The following PLA2R1 variants were observed in gnomAD, a reference collection of about 807,000 sequenced individuals.
PLA2R1 encodes the protein secretory phospholipase A2 receptor.
A neutral mutation model predicts 195.9 loss-of-function variants in PLA2R1; 158 were observed. The observed-to-expected ratio is 0.81, with a 90% CI of 0.71 to 0.92. The LOEUF is 0.92. PLA2R1 is among the 40% of genes least tolerant of loss of function. The pLI is 0.00. For missense variants in PLA2R1, 1,626 were observed against 1,764.6 expected, an observed-to-expected ratio of 0.92 and a Z score of 1.41; for synonymous variants, 586 against 598.2, an observed-to-expected ratio of 0.98 and a Z score of 0.30.
rs551608529 is a variant in PLA2R1 at position 159,933,625 on chromosome 2, T to C, written c.*8153A>G. 1 of 152,176 alleles carries C rather than the reference T, an allele frequency of 6.6e-6. No homozygotes were observed. The highest frequency in any genetic ancestry group is 6.5e-5 in the Admixed American group (1 of 15,284). The allele number at this position is 152,176 out of a possible 1,614,324, so 9.4% of individuals were successfully genotyped here. On this transcript the variant is annotated 3_prime_UTR_variant, in exon 30 of 30. Coordinates refer to ENST00000283243, the MANE Select transcript of PLA2R1 (RefSeq NM_007366.5). ...AGACTGAGTTCCATGAGGGGAGAGATGGGGTGTTATTGGTATTTATAGCCT... is the reference window on the plus strand; with the variant it reads ...AGACTGAGTTCCATGAGGGGAGAGACGGGGTGTTATTGGTATTTATAGCCT...
At chr2:159,962,727 C>T (rs894004043) in intron 20 of PLA2R1, among the ~76,000 whole-genome samples, 2 of 152,178 alleles carry the variant, frequency 1.3e-5, no homozygotes. Context: ...AGTTCATGTC[C>T]TTTGCAGGGA....
intron 10 of PLA2R1, among the ~76,000 whole-genome samples, chr2:160,008,157 G>A (rs1395645553): frequency 6.6e-5 from 10 of 151,990 alleles, no homozygotes; most frequent in Non-Finnish European, 1.3e-4. Flanking sequence ...AAAAACATTT[G>A]CTGTGGGTGG....
chr2:159,985,528 T>TA (rs1183692634), intron 12 of PLA2R1, among the ~76,000 whole-genome samples: 1 of 152,162 alleles, frequency 6.6e-6, no homozygotes, highest in Non-Finnish European at 1.5e-5. Context: ...AAGCTGATTT[T>TA]AAAAATAGAA....
rs147591963 is a variant in PLA2R1 at position 159,985,738 on chromosome 2, C to T, written c.2037+1418G>A. Among the ~76,000 whole-genome samples the T allele has an allele frequency of 5.7e-3, 871 of 152,244 alleles. 4 individuals carry two copies. The highest frequency in any genetic ancestry group is 0.017 in the Middle Eastern group (5 of 294). On this transcript the variant is annotated intron_variant, in intron 12 of 29. Coordinates refer to ENST00000283243, the MANE Select transcript of PLA2R1 (RefSeq NM_007366.5). ...CAATATGAAATTATACCATTTAACACCCTCTGAGTGTCTACCTCCTTCACT... is the reference window on the plus strand; with the variant it reads ...CAATATGAAATTATACCATTTAACATCCTCTGAGTGTCTACCTCCTTCACT...
intron 1 of PLA2R1, among the ~76,000 whole-genome samples, chr2:160,060,872 G>C (rs1186977883): frequency 6.6e-6 from 1 of 152,202 alleles, no homozygotes; most frequent in Non-Finnish European, 1.5e-5. Flanking sequence ...CCACTGCATG[G>C]TAAACTTAGT....
intron 17 of PLA2R1, among the ~76,000 whole-genome samples, chr2:159,970,724 A>G (rs1308320449): frequency 6.6e-6 from 1 of 152,202 alleles, no homozygotes; most frequent in Admixed American, 6.5e-5. Flanking sequence ...GACACAATAT[A>G]GGACAAAAGA....
chr2:160,041,479 T>G (rs773636330), intron 3 of PLA2R1, among the ~76,000 whole-genome samples: 11 of 152,130 alleles, frequency 7.2e-5, no homozygotes, highest in Admixed American at 1.3e-4. Flanking sequence ...AAAAATGAGG[T>G]TATAGCCAGA....
Position 160,013,262 on chromosome 2 carries a change from C to T in PLA2R1, c.1664+1G>A. ...TTTCTGTTAAAAAAAGTTTAATTTA[C>T]CTGTTTGTAATGGTTACAAGTGCAG... On this transcript the variant is annotated splice_donor_variant, in intron 10 of 29. Transcript: ENST00000283243. LOFTEE classifies it high-confidence loss of function. 6.6e-7 allele frequency: 1 copy of T among 1,524,792 alleles called. No individual in the cohort carries two copies. The highest frequency in any genetic ancestry group is 9.1e-7 in the Non-Finnish European group (1 of 1,101,426). The allele number at this position is 1,524,792 out of a possible 1,614,324, so 94.5% of individuals were successfully genotyped here.
chr2:160,010,721 C>T (rs1359699205), intron 10 of PLA2R1, among the ~76,000 whole-genome samples: 1 of 152,200 alleles, frequency 6.6e-6, no homozygotes, highest in Non-Finnish European at 1.5e-5. Context: ...AAAATTCCAA[C>T]GTGTATGGTG....
rs12328777 is a variant in PLA2R1, at chr2:160,057,486, G to A, written c.109+4809C>T. 5.6e-3 allele frequency among the ~76,000 whole-genome samples: 853 copies of A among 152,220 alleles called. 9 individuals are homozygous for A. Among genetic ancestry groups the A allele is most frequent in the African/African-American group, 0.02 (821 of 41,526 alleles). On this transcript the variant is annotated intron_variant, in intron 1 of 29. Coordinates refer to ENST00000283243, the MANE Select transcript of PLA2R1 (RefSeq NM_007366.5). ...TACTGTTGCCTGACACGTGATCCTG[G>A]GCCTTTGCACATGAAATACATGTTC...
At chr2:159,969,665 C>G (rs1027421635) in intron 18 of PLA2R1, among the ~76,000 whole-genome samples, 1 of 152,118 alleles carries the variant, frequency 6.6e-6, no homozygotes, top group Non-Finnish European at 1.5e-5. Flanking sequence ...CCTTAGCCCC[C>G]CCAAGTAGCT....
intron 27 of PLA2R1, chr2:159,946,311 ACAAGTACCTTT>A: frequency 1.0e-6 from 1 of 985,354 alleles, no homozygotes; most frequent in African/African-American, 1.7e-5. Flanking sequence ...AATTTTCTTC[ACAAGTACCTTT>A]CAATAACCAT....
At chr2:159,965,197 T>G (rs957270330) in intron 20 of PLA2R1, among the ~76,000 whole-genome samples, 1 of 152,228 alleles carries the variant, frequency 6.6e-6, no homozygotes, top group Non-Finnish European at 1.5e-5. Flanking sequence ...GTTCACTCTT[T>G]GTGTTGTACA....
rs1388836841 is a variant in PLA2R1, at chr2:159,939,496, C to G, written c.*2282G>C. The G allele has an allele frequency of 7.3e-6, 1 of 136,758 alleles. No individual in the cohort carries two copies. The highest frequency in any genetic ancestry group is 2.8e-5 in the African/African-American group (1 of 36,036). The allele number at this position is 136,758 out of a possible 1,614,324, so 8.5% of individuals were successfully genotyped here. A position where few individuals can be genotyped will look rare whatever the true frequency, so the allele number is the denominator to read the frequency against. On this transcript the variant is annotated 3_prime_UTR_variant, in exon 30 of 30. Transcript: ENST00000283243. ...ACTCCTGCCTGGCAACAGAGCAAGACTCCATCTCCAAAAAAAAAAAAAAAA... is the reference window on the plus strand; with the variant it reads ...ACTCCTGCCTGGCAACAGAGCAAGAGTCCATCTCCAAAAAAAAAAAAAAAA...
intron 1 of PLA2R1, among the ~76,000 whole-genome samples, chr2:160,060,263 G>A (rs1175976837): frequency 1.3e-5 from 2 of 152,222 alleles, no homozygotes; most frequent in African/African-American, 2.4e-5. Flanking sequence ...AGTGAACACA[G>A]CGGTAAACTG....
intron 10 of PLA2R1, among the ~76,000 whole-genome samples, chr2:160,008,845 A>T (rs1034989739): frequency 2.0e-5 from 3 of 152,242 alleles, no homozygotes; most frequent in African/African-American, 4.8e-5. Flanking sequence ...TCCTATAACT[A>T]AACAATAGAA....
downstream of PLA2R1, among the ~76,000 whole-genome samples, chr2:159,929,033 T>G (rs187753746): frequency 2.0e-5 from 3 of 152,332 alleles, no homozygotes; most frequent in Admixed American, 6.5e-5. Context: ...ATCTAAGACT[T>G]GAAACCATAA....
At chr2:160,062,011 G>A (rs1247940573) in intron 1 of PLA2R1, among the ~76,000 whole-genome samples, 1 of 152,134 alleles carries the variant, frequency 6.6e-6, no homozygotes, top group Non-Finnish European at 1.5e-5. Context: ...CCAGAGCCGA[G>A]AGGAGTTACC....
intron 13 of PLA2R1, among the ~76,000 whole-genome samples, chr2:159,980,871 AC>A (rs1689899914): frequency 6.6e-6 from 1 of 152,196 alleles, no homozygotes; most frequent in African/African-American, 2.4e-5. Flanking sequence ...TATGTCAGCT[AC>A]TCTGCCTGGA....
Sources: gnomAD v4.1 joint callset for allele counts (sites outside exome capture counted in the v4.1 genomes callset) on GRCh38, gnomAD v4.1.1 for gene constraint, MANE v1.5 for transcripts, NCBI Gene and HGNC (gene_info 2026-07-23, HGNC 2026-07-21) for gene names.